WASHC2C: variants seen among roughly 807,000 people sequenced by gnomAD.
WASHC2C encodes WASH complex subunit 2C, also known as Vaccinia Penetration Factor.
A neutral mutation model predicts 142.2 loss-of-function variants in WASHC2C; 73 were observed. The ratio of observed to expected loss-of-function variants is 0.51; its 90% CI spans 0.43 to 0.62. The LOEUF is 0.62. Among genes scored for constraint, WASHC2C ranks in the 20% least tolerant of loss-of-function variants. WASHC2C has a pLI of 0.00. For synonymous variants in WASHC2C, 337 were observed against 565.5 expected, an observed-to-expected ratio of 0.60 and a Z score of 5.73; for missense variants, 969 against 1,531.7, an observed-to-expected ratio of 0.63 and a Z score of 6.13.
chr10:45,786,881 T>C, intron 27 of WASHC2C, 154 bp from the exon 28 acceptor site: 1 of 1,585,636 alleles, frequency 6.3e-7, no homozygotes, highest in Non-Finnish European at 8.6e-7. Flanking sequence ...AGACGCTCTG[T>C]TTTAATTCTG....
Position 45,753,326 on chromosome 10 carries a change from C to G in WASHC2C, c.1180+89C>G, listed in dbSNP as rs535356244. On this transcript the variant is annotated intron_variant, in intron 13 of 30. Transcript: ENST00000623400. ...GAGATGGAACAAGGTTGTTCCCAAGCCTTGTTTCTGTGTCAAGCAAGAAGC... is the reference window on the plus strand; with the variant it reads ...GAGATGGAACAAGGTTGTTCCCAAGGCTTGTTTCTGTGTCAAGCAAGAAGC... The G allele has an allele frequency of 4.2e-4, 497 of 1,196,762 alleles. 12 individuals are homozygous for G. The African/African-American group carries it at 7.9e-3, about 19-fold the overall frequency. 74.1% of individuals were successfully genotyped at this position (1,196,762 alleles called of 1,614,324 possible). A position where few individuals can be genotyped will look rare whatever the true frequency, so the allele number is the denominator to read the frequency against.
chr10:45,741,911 A>C (rs1207542347), intron 5 of WASHC2C, among the ~76,000 whole-genome samples: 19 of 151,010 alleles, frequency 1.3e-4, no homozygotes, highest in Admixed American at 1.3e-4. Flanking sequence ...CTCCTGCCTC[A>C]GCCTTCCAAG....
intron 10 of WASHC2C, among the ~76,000 whole-genome samples, chr10:45,751,246 A>G (rs1554874292): frequency 6.6e-6 from 1 of 150,862 alleles, no homozygotes. Context: ...CAACAAATAC[A>G]ATCCTGTTAT....
chr10:45,742,420 T>G (rs1314407743), intron 5 of WASHC2C, among the ~76,000 whole-genome samples: 6,041 of 150,622 alleles, frequency 0.04, 42 homozygotes, highest in African/African-American at 0.062. Context: ...GTTCAAGAGA[T>G]TCTCCTGTCT....
intron 10 of WASHC2C, among the ~76,000 whole-genome samples, chr10:45,751,247 A>G (rs1554874295): frequency 6.6e-6 from 1 of 150,694 alleles, no homozygotes; most frequent in African/African-American, 2.5e-5. Context: ...AACAAATACA[A>G]TCCTGTTATG....
chr10:45,747,197 G>A (rs1337684390), intron 8 of WASHC2C, among the ~76,000 whole-genome samples: 20 of 152,192 alleles, frequency 1.3e-4, no homozygotes, highest in African/African-American at 4.6e-4. Context: ...CTGGAGTGCC[G>A]TGGCGTGATC....
At chr10:45,784,269 T>TATATATATATATATATATACACACACAC (rs1564819641) in intron 23 of WASHC2C, among the ~76,000 whole-genome samples, 334 of 13,374 alleles carry the variant, frequency 0.025, 9 homozygotes, top group Admixed American at 0.16. Flanking sequence ...TATATATATA[T>TATATATATATATATATATACACACACAC]ATATATATAT....
chr10:45,744,499 C>T (rs1160026650), intron 6 of WASHC2C, among the ~76,000 whole-genome samples: 11 of 147,678 alleles, frequency 7.4e-5, no homozygotes, highest in African/African-American at 2.5e-4. Flanking sequence ...CCAGCCACCA[C>T]ATTTGGTTGT....
chr10:45,770,603 G>A lies in WASHC2C; in HGVS notation c.2039+985G>A, dbSNP rs1327901747. On this transcript the variant is annotated intron_variant, in intron 20 of 30. Transcript: ENST00000623400. Reference sequence around the variant, plus strand: ...ATCCTATGCTTTGGTGTGGTTAAGCGTCATTTGATAGATTCAGAAGTACCT... The same window carrying A: ...ATCCTATGCTTTGGTGTGGTTAAGCATCATTTGATAGATTCAGAAGTACCT... Among the ~76,000 whole-genome samples, 14 of 152,260 alleles carry A rather than the reference G, an allele frequency of 9.2e-5. 1 individual carries two copies. Among genetic ancestry groups the A allele is most frequent in the South Asian group, 4.1e-4 (2 of 4,828 alleles).
intron 23 of WASHC2C, among the ~76,000 whole-genome samples, chr10:45,784,252 G>GTATATATATATATATATATATATATATA (rs71225139): frequency 2.5e-5 from 1 of 40,732 alleles, no homozygotes; most frequent in Non-Finnish European, 5.0e-5. Context: ...GTGTGTGTGT[G>GTATATATATATATATATATATATATATA]TATATATATA....
chr10:45,757,549 C>G lies in WASHC2C; in HGVS notation c.1548+410C>G, dbSNP rs2054458511. Among the ~76,000 whole-genome samples, 6 of 152,152 alleles carry G rather than the reference C, an allele frequency of 3.9e-5. No individual in the cohort carries two copies. The South Asian group carries it at 1.2e-3, about 32-fold the overall frequency. ...ACTAACAGTAATTCTATAGTAGAAT[C>G]TAATATCTAGTCTGTATTAGAATTG... On this transcript the variant is annotated intron_variant, in intron 16 of 30. Coordinates refer to ENST00000623400, the MANE Select transcript of WASHC2C (RefSeq NM_001330074.2).
intron 8 of WASHC2C, among the ~76,000 whole-genome samples, chr10:45,749,719 G>T (rs1462831850): frequency 6.7e-6 from 1 of 149,164 alleles, no homozygotes; most frequent in African/African-American, 2.5e-5. Context: ...CCAGCTACTC[G>T]GAAGGCCGAG....
Position 45,792,915 on chromosome 10 carries a change from C to T in WASHC2C, c.*515C>T. 4.3e-6 allele frequency: 2 copies of T among 469,354 alleles called. No individual in the cohort carries two copies. The highest frequency in any genetic ancestry group is 3.1e-5 in the South Asian group (2 of 64,480). The allele number at this position is 469,354 out of a possible 1,614,324, so 29.1% of individuals were successfully genotyped here. A position where few individuals can be genotyped will look rare whatever the true frequency, so the allele number is the denominator to read the frequency against. On this transcript the variant is annotated 3_prime_UTR_variant, in exon 31 of 31. Transcript: ENST00000623400. ...AAGGCAAAGTTTGGCAAACTGTGGC[C>T]CCCCCACTGTCATATTTTGTTAATA...
intron 3 of WASHC2C, among the ~76,000 whole-genome samples, chr10:45,737,722 CA>C (rs1421468223): frequency 1.3e-5 from 2 of 150,494 alleles, no homozygotes; most frequent in African/African-American, 4.9e-5. Flanking sequence ...TCTTGGTTTA[CA>C]ACGAGGTTAA....
intron 18 of WASHC2C, among the ~76,000 whole-genome samples, chr10:45,764,532 A>G (rs2055551992): frequency 6.7e-6 from 1 of 149,708 alleles, no homozygotes; most frequent in African/African-American, 2.5e-5. Flanking sequence ...TGTCCTGACC[A>G]TTGTCTTTCT....
chr10:45,785,784 G>A lies in WASHC2C; in HGVS notation c.2811+153G>A, dbSNP rs556410284. ...TTTGTCTTCACTGCACTTCCCCCGA[G>A]TCATCTCCCCTCTCCTCACTCCACA... On this transcript the variant is annotated intron_variant, in intron 26 of 30. Coordinates refer to ENST00000623400, the MANE Select transcript of WASHC2C (RefSeq NM_001330074.2). The A allele has an allele frequency of 2.9e-6, 4 of 1,376,182 alleles. No individual in the cohort carries two copies. In the East Asian group the frequency reaches 6.9e-5, roughly 24 times the overall value. The allele number at this position is 1,376,182 out of a possible 1,614,324, so 85.2% of individuals were successfully genotyped here.
chr10:45,755,611 G>GT (rs1293389978), intron 15 of WASHC2C, among the ~76,000 whole-genome samples: 435 of 152,326 alleles, frequency 2.9e-3, no homozygotes, highest in African/African-American at 9.8e-3. Context: ...TAAGTCCTAT[G>GT]TCCTGAAGTC....
chr10:45,790,014 A>AGAGCTCC, intron 29 of WASHC2C, among the ~76,000 whole-genome samples: 1 of 152,254 alleles, frequency 6.6e-6, no homozygotes, highest in Non-Finnish European at 1.5e-5. Flanking sequence ...TGGGAAGATA[A>AGAGCTCC]TCAAATACAA....
chr10:45,770,268 A>G (rs1192912138), intron 20 of WASHC2C, among the ~76,000 whole-genome samples: 1 of 144,168 alleles, frequency 6.9e-6, no homozygotes, highest in Non-Finnish European at 1.5e-5. Flanking sequence ...AGTTATTTGA[A>G]TAGAAATCTG....
Sources: gnomAD v4.1 joint callset for allele counts (sites outside exome capture counted in the v4.1 genomes callset) on GRCh38, gnomAD v4.1.1 for gene constraint, MANE v1.5 for transcripts, NCBI Gene and HGNC (gene_info 2026-07-23, HGNC 2026-07-21) for gene names.